CDK14: variants seen among roughly 807,000 people sequenced by gnomAD.
The protein encoded by CDK14 is cyclin dependent kinase 14, also known as cyclin-dependent kinase 14.
CDK14 carries 34 observed loss-of-function variants against 60.7 expected under a neutral mutation model. The observed-to-expected ratio is 0.56, with a 90% CI of 0.43 to 0.75. The LOEUF is 0.75. Ranked by LOEUF, CDK14 falls within the 30% of genes least tolerant of loss-of-function variation. The pLI is 0.00. For missense variants in CDK14, 482 were observed against 564.1 expected (o/e 0.85, Z 1.47); for synonymous variants, 197 against 203.7 (o/e 0.97, Z 0.28).
At chr7:90,892,971 GT>G (rs1792184911) in intron 6 of CDK14, among the ~76,000 whole-genome samples, 1 of 152,046 alleles carries the variant, frequency 6.6e-6, no homozygotes, top group Admixed American at 6.6e-5. Context: ...ATAGAGATAG[GT>G]TTTCACTGTG....
At chr7:90,990,385 T>C (rs961111083) in intron 10 of CDK14, among the ~76,000 whole-genome samples, 7 of 152,258 alleles carry the variant, frequency 4.6e-5, no homozygotes, top group Admixed American at 2.0e-4. Flanking sequence ...ATTGAAAATA[T>C]TAAGCTACAA....
chr7:90,823,376 C>G (rs77093735), intron 5 of CDK14, among the ~76,000 whole-genome samples: 3,084 of 152,214 alleles, frequency 0.02, 97 homozygotes, highest in African/African-American at 0.071. Context: ...AAAATAATTT[C>G]CCATTGAATC....
chr7:90,976,261 C>G (rs1029008343), intron 9 of CDK14, among the ~76,000 whole-genome samples: 1 of 152,194 alleles, frequency 6.6e-6, no homozygotes, highest in South Asian at 2.1e-4. Flanking sequence ...ATGAGAATTT[C>G]CCTGATGTTT....
intron 11 of CDK14, among the ~76,000 whole-genome samples, chr7:91,047,809 CACA>C (rs1253926621): frequency 6.6e-6 from 1 of 152,098 alleles, no homozygotes; most frequent in African/African-American, 2.4e-5. Context: ...CAAGAGGAGA[CACA>C]ACAACAGACT....
In CDK14 at chr7:91,208,024, T is replaced by C. The variant is rs1179697521; in HGVS notation, c.*888T>C. The C allele has an allele frequency of 6.6e-6, 1 of 152,622 alleles. No individual in the cohort carries two copies. Among genetic ancestry groups the C allele is most frequent in the Non-Finnish European group, 1.5e-5 (1 of 68,030 alleles). The allele number at this position is 152,622 out of a possible 1,614,324, so 9.5% of individuals were successfully genotyped here. The stretch of plus-strand genomic sequence containing the variant: ...GAGGAACAGAATGTTTTAAATCTGG[T>C]GCAAAAGAACTATATCTGCTGGATG... On this transcript the variant is annotated 3_prime_UTR_variant, in exon 15 of 15. Transcript: ENST00000380050.
At chr7:90,862,532 A>C (rs550144681) in intron 5 of CDK14, among the ~76,000 whole-genome samples, 129 of 152,310 alleles carry the variant, frequency 8.5e-4, no homozygotes, top group South Asian at 3.9e-3. Context: ...AACTCAAATG[A>C]GTAATTGACA....
chr7:91,196,856 C>T (rs773674582), intron 14 of CDK14, among the ~76,000 whole-genome samples: 3 of 152,152 alleles, frequency 2.0e-5, no homozygotes, highest in Non-Finnish European at 4.4e-5. Flanking sequence ...TGGCTCAGTT[C>T]CCATTTTATT....
intron 5 of CDK14, among the ~76,000 whole-genome samples, chr7:90,850,064 G>A (rs1489843186): frequency 2.0e-5 from 3 of 151,938 alleles, no homozygotes; most frequent in Admixed American, 2.0e-4. Context: ...CTTATGAAAG[G>A]AAAACTCCTA....
At chr7:90,920,428 A>G (rs1793212084) in intron 8 of CDK14, among the ~76,000 whole-genome samples, 1 of 152,226 alleles carries the variant, frequency 6.6e-6, no homozygotes, top group Non-Finnish European at 1.5e-5. Flanking sequence ...TTTATTCTAT[A>G]TGCTACACAC....
intron 8 of CDK14, among the ~76,000 whole-genome samples, chr7:90,953,912 A>G (rs192609602): frequency 1.3e-5 from 2 of 152,280 alleles, no homozygotes; most frequent in Non-Finnish European, 2.9e-5. Flanking sequence ...TGATTGTCCT[A>G]TCTATTGTTC....
chr7:91,134,093 T>C (rs12537619), intron 14 of CDK14, among the ~76,000 whole-genome samples: 9,682 of 152,176 alleles, frequency 0.064, 394 homozygotes, highest in Admixed American at 0.12. Context: ...CTAATCTCAA[T>C]GGGCTTTTCA....
chr7:90,653,625 A>C (rs1259381521), intron 2 of CDK14, among the ~76,000 whole-genome samples: 1 of 151,922 alleles, frequency 6.6e-6, no homozygotes, highest in Non-Finnish European at 1.5e-5. Context: ...TGTTTTATGG[A>C]TTTCCTGCTG....
intron 4 of CDK14, among the ~76,000 whole-genome samples, chr7:90,749,717 C>T (rs888458936): frequency 6.6e-6 from 1 of 152,200 alleles, no homozygotes; most frequent in Non-Finnish European, 1.5e-5. Flanking sequence ...GCCTCCACTT[C>T]CTCTGCAGAG....
intron 9 of CDK14, among the ~76,000 whole-genome samples, chr7:90,960,894 T>C (rs1486178949): frequency 6.6e-6 from 1 of 152,140 alleles, no homozygotes; most frequent in Non-Finnish European, 1.5e-5. Flanking sequence ...GAGACTTGAG[T>C]AATAATAATA....
intron 8 of CDK14, among the ~76,000 whole-genome samples, chr7:90,923,261 C>T (rs1416724530): frequency 6.6e-6 from 1 of 151,928 alleles, no homozygotes; most frequent in African/African-American, 2.4e-5. Flanking sequence ...AGGCGCCCAC[C>T]ACCACTCCTG....
chr7:90,938,606 T>C (rs1793823578), intron 8 of CDK14, among the ~76,000 whole-genome samples: 1 of 152,200 alleles, frequency 6.6e-6, no homozygotes, highest in African/African-American at 2.4e-5. Flanking sequence ...TTTGTGACTT[T>C]ATGATAATAA....
At chr7:91,166,951 T>G (rs1051585179) in intron 14 of CDK14, among the ~76,000 whole-genome samples, 5 of 152,246 alleles carry the variant, frequency 3.3e-5, no homozygotes, top group African/African-American at 1.2e-4. Flanking sequence ...TTTTCAGTTC[T>G]TTCTCACCTA....
chr7:90,720,075 G>A (rs1272616287), intron 2 of CDK14, among the ~76,000 whole-genome samples: 1 of 152,122 alleles, frequency 6.6e-6, no homozygotes, highest in East Asian at 1.9e-4. Context: ...GAGGAGATTC[G>A]AAGGGAAAAG....
intron 11 of CDK14, among the ~76,000 whole-genome samples, chr7:91,064,590 G>A (rs922004241): frequency 1.5e-4 from 23 of 152,206 alleles, no homozygotes; most frequent in Admixed American, 1.0e-3. Context: ...AGAGTAGACT[G>A]GAGTAGAGTC....
Sources: allele counts gnomAD v4.1 joint callset (sites outside exome capture counted in the v4.1 genomes callset), GRCh38; gene constraint gnomAD v4.1.1; transcripts MANE v1.5; gene names NCBI Gene and HGNC (gene_info 2026-07-23, HGNC 2026-07-21).